The following GCNT2 variants were observed in gnomAD, a reference collection of about 807,000 sequenced individuals.
GCNT2 encodes glucosaminyl (N-acetyl) transferase 2 (I blood group).
Under a neutral mutation model 34.2 loss-of-function variants are expected in GCNT2, and 34 were observed. The ratio of observed to expected loss-of-function variants is 1.00; its 90% CI spans 0.76 to 1.32. GCNT2 has a LOEUF of 1.32. Among genes scored for constraint, GCNT2 ranks in the 40% most tolerant of loss-of-function variants. The probability of loss-of-function intolerance (pLI) is 0.00; values close to 1 mark genes in which losing one functional copy is unlikely to be tolerated. For synonymous variants in GCNT2, 212 were observed against 188.0 expected, an observed-to-expected ratio of 1.13 and a Z score of -1.04; for missense variants, 584 against 489.4, an observed-to-expected ratio of 1.19 and a Z score of -1.82.
chr6:10,607,446 G>A (rs1014687294), intron 3 of GCNT2, among the ~76,000 whole-genome samples: 18 of 152,132 alleles, frequency 1.2e-4, no homozygotes, highest in Middle Eastern at 3.4e-3. Flanking sequence ...CTAGGAGGAC[G>A]GTGCTAAACC....
At chr6:10,554,910 G>C (rs891202966) in intron 3 of GCNT2, among the ~76,000 whole-genome samples, 1 of 152,198 alleles carries the variant, frequency 6.6e-6, no homozygotes, top group African/African-American at 2.4e-5. Flanking sequence ...ATGAAAGTTA[G>C]AAGAATGGAA....
At chr6:10,594,521 G>C (rs1348841404) in intron 3 of GCNT2, among the ~76,000 whole-genome samples, 1 of 152,126 alleles carries the variant, frequency 6.6e-6, no homozygotes, top group Non-Finnish European at 1.5e-5. Context: ...TGTGTACTCT[G>C]ACCTAAAACT....
chr6:10,605,117 C>A (rs1337182508), intron 3 of GCNT2, among the ~76,000 whole-genome samples: 1 of 151,742 alleles, frequency 6.6e-6, no homozygotes, highest in East Asian at 1.9e-4. Context: ...TGTGCTCCAG[C>A]CTGGGAGACA....
At chr6:10,538,007 A>G (rs1254960660) in intron 3 of GCNT2, among the ~76,000 whole-genome samples, 1 of 152,108 alleles carries the variant, frequency 6.6e-6, no homozygotes, top group Non-Finnish European at 1.5e-5. Flanking sequence ...ATCATGAGAG[A>G]GTATCCTACC....
intron 3 of GCNT2, among the ~76,000 whole-genome samples, chr6:10,585,086 A>C (rs1388315063): frequency 6.7e-6 from 1 of 148,724 alleles, no homozygotes; most frequent in Non-Finnish European, 1.5e-5. Context: ...TGTGCGCGCT[A>C]TATTCTGACA....
In GCNT2 at chr6:10,528,954, A is replaced by G; in HGVS notation, c.43A>G (p.Ile15Val). The G allele has an allele frequency of 1.2e-6, 2 of 1,614,032 alleles. No individual in the cohort carries two copies. The highest frequency in any genetic ancestry group is 1.7e-6 in the Non-Finnish European group (2 of 1,179,880). Residue 15 changes from isoleucine to valine, a missense_variant, in exon 3 of 5, where the codon ATC becomes GTC. Transcript: ENST00000495262. ...GCACTGTCTTTTTAGCGCGTCTCTT[A>G]TCTCTGCCCTGATTTTTGTATTTGT... The part of the protein sequence containing the change: ...WKHCLFSASL[I>V]SALIFVFVYN...
At chr6:10,587,211 T>C (rs1764394138) in intron 3 of GCNT2, among the ~76,000 whole-genome samples, 1 of 152,222 alleles carries the variant, frequency 6.6e-6, no homozygotes, top group South Asian at 2.1e-4. Flanking sequence ...AACACAGCTG[T>C]AACAAACAAA....
intron 3 of GCNT2, among the ~76,000 whole-genome samples, chr6:10,583,476 T>C (rs1764211294): frequency 6.6e-6 from 1 of 152,084 alleles, no homozygotes; most frequent in Non-Finnish European, 1.5e-5. Flanking sequence ...ACCAGTTAAT[T>C]TCTCCCTTGG....
chr6:10,614,578 A>G (rs1426099887), intron 3 of GCNT2, among the ~76,000 whole-genome samples: 1 of 147,872 alleles, frequency 6.8e-6, no homozygotes, highest in East Asian at 2.0e-4. Flanking sequence ...GTGAGCTGAG[A>G]TTATGCCACT....
At chr6:10,570,253 G>A (rs1763499748) in intron 3 of GCNT2, among the ~76,000 whole-genome samples, 1 of 152,192 alleles carries the variant, frequency 6.6e-6, no homozygotes, top group African/African-American at 2.4e-5. Context: ...TCTTTCTTAA[G>A]TGCTTCTAGA....
chr6:10,545,004 G>A (rs1302521964), intron 3 of GCNT2, among the ~76,000 whole-genome samples: 3 of 152,022 alleles, frequency 2.0e-5, no homozygotes, highest in South Asian at 2.1e-4. Context: ...GAGCTGCTGG[G>A]AAAATAAATA....
At chr6:10,620,842 A>C (rs573633955) in intron 3 of GCNT2, among the ~76,000 whole-genome samples, 2 of 152,336 alleles carry the variant, frequency 1.3e-5, no homozygotes, top group African/African-American at 2.4e-5. Context: ...TTGCTCACCC[A>C]CAGGACATTT....
At chr6:10,594,266 G>C (rs1158674468) in intron 3 of GCNT2, among the ~76,000 whole-genome samples, 2 of 152,192 alleles carry the variant, frequency 1.3e-5, no homozygotes, top group Non-Finnish European at 2.9e-5. Flanking sequence ...CTTTTACAGA[G>C]ACTGGCACAT....
rs143930845 is a variant in GCNT2, at chr6:10,525,756, C to T, written c.-468-1718C>T. ...ATTACAGGTAAGGTACAAGTAAAGA[C>T]GTATGAACTTTGCTTGTACTTGCAG... On this transcript the variant is annotated intron_variant, in intron 1 of 4. Coordinates refer to ENST00000495262, the MANE Select transcript of GCNT2 (RefSeq NM_145649.5). Among the ~76,000 whole-genome samples, 28 of 152,278 alleles carry T rather than the reference C, an allele frequency of 1.8e-4. 1 individual carries two copies. The highest frequency in any genetic ancestry group is 6.2e-4 in the South Asian group (3 of 4,828).
chr6:10,525,512 T>TA, intron 1 of GCNT2, among the ~76,000 whole-genome samples: 1 of 152,254 alleles, frequency 6.6e-6, no homozygotes, highest in East Asian at 1.9e-4. Flanking sequence ...GGAGAGTGAT[T>TA]ACTGATAGAT....
At chr6:10,565,498 C>A (rs1293583195) in intron 3 of GCNT2, among the ~76,000 whole-genome samples, 2 of 152,208 alleles carry the variant, frequency 1.3e-5, no homozygotes, top group African/African-American at 2.4e-5. Flanking sequence ...TCACCAGACA[C>A]CTGCAGATTA....
intron 3 of GCNT2, among the ~76,000 whole-genome samples, chr6:10,568,900 T>C (rs927926714): frequency 6.6e-6 from 1 of 152,200 alleles, no homozygotes; most frequent in South Asian, 2.1e-4. Flanking sequence ...CATCATGTCA[T>C]TGGTGTGTCA....
intron 3 of GCNT2, among the ~76,000 whole-genome samples, chr6:10,541,142 A>G (rs994670749): frequency 6.6e-6 from 1 of 152,098 alleles, no homozygotes; most frequent in Non-Finnish European, 1.5e-5. Flanking sequence ...CGTCTCTATT[A>G]GCTCTTCTTC....
chr6:10,617,369 C>T lies in GCNT2; in HGVS notation c.926-3982C>T, dbSNP rs528048481. 5.4e-3 allele frequency among the ~76,000 whole-genome samples: 822 copies of T among 152,328 alleles called. 9 individuals carry two copies. The highest frequency in any genetic ancestry group is 0.017 in the Middle Eastern group (5 of 292). ...CTCACGCTGGCCGGCAAGCGCTGCG[C>T]GCAGCCCTGGTTCCCGCCGGCGCCT... On this transcript the variant is annotated intron_variant, in intron 3 of 4. Transcript: ENST00000495262.
Sources: gnomAD v4.1 joint callset for allele counts (sites outside exome capture counted in the v4.1 genomes callset) on GRCh38, gnomAD v4.1.1 for gene constraint, MANE v1.5 for transcripts, NCBI Gene and HGNC (gene_info 2026-07-23, HGNC 2026-07-21) for gene names.